Variants in KCNIP1 observed in about 807,000 individuals in gnomAD.
KCNIP1 encodes the protein A-type potassium channel modulatory protein KCNIP1.
Under a neutral mutation model 33.0 loss-of-function variants are expected in KCNIP1, and 18 were observed. That is an observed-to-expected ratio of 0.55 (90% CI 0.38 to 0.81). The LOEUF (loss-of-function observed/expected upper bound fraction) is 0.81. KCNIP1 is among the 30% of genes least tolerant of loss of function. The probability of loss-of-function intolerance (pLI) is 0.00; values close to 1 mark genes in which losing one functional copy is unlikely to be tolerated. For missense variants in KCNIP1, 238 were observed against 271.6 expected (o/e 0.88, Z 0.87); for synonymous variants, 93 against 98.3 (o/e 0.95, Z 0.32).
intron 1 of KCNIP1, chr5:170,378,407 T>G: frequency 3.0e-6 from 1 of 335,424 alleles, no homozygotes; most frequent in Non-Finnish European, 5.4e-6. Context: ...GTGGGGCACA[T>G]AGTGATGCAG....
chr5:170,371,754 A>T (rs970755481), intron 1 of KCNIP1, among the ~76,000 whole-genome samples: 1 of 152,232 alleles, frequency 6.6e-6, no homozygotes, highest in Admixed American at 6.5e-5. Flanking sequence ...ACAGCAAGTG[A>T]TCAGCTAAAT....
intron 1 of KCNIP1, among the ~76,000 whole-genome samples, chr5:170,603,056 G>A (rs1398335046): frequency 1.3e-5 from 2 of 152,248 alleles, no homozygotes; most frequent in Non-Finnish European, 2.9e-5. Context: ...AGCTAAGGCT[G>A]GTGCACACAG....
intron 5 of KCNIP1, 45 bp from the exon 6 acceptor site, chr5:170,732,755 G>C: frequency 1.5e-6 from 2 of 1,297,222 alleles, no homozygotes; most frequent in Middle Eastern, 1.8e-4. Context: ...GGAAGAGCTT[G>C]ACCTCATGGT....
intron 1 of KCNIP1, among the ~76,000 whole-genome samples, chr5:170,436,627 G>A (rs993515312): frequency 6.6e-6 from 1 of 152,208 alleles, no homozygotes; most frequent in Non-Finnish European, 1.5e-5. Flanking sequence ...CAGCGCAGGT[G>A]TGTGCATGCA....
At chr5:170,544,704 T>A (rs1250601460) in intron 1 of KCNIP1, among the ~76,000 whole-genome samples, 1 of 133,724 alleles carries the variant, frequency 7.5e-6, no homozygotes, top group Non-Finnish European at 1.5e-5. Context: ...TTGTTTCACA[T>A]TCCTGAATTT....
In KCNIP1 at chr5:170,463,470, C is replaced by T. The variant is rs893748159; in HGVS notation, c.88+109506C>T. Among the ~76,000 whole-genome samples, 3 of 152,102 alleles carry T rather than the reference C, an allele frequency of 2.0e-5. No individual in the cohort carries two copies. In the East Asian group the frequency reaches 5.8e-4, roughly 29 times the overall value. On this transcript the variant is annotated intron_variant, in intron 1 of 7. Transcript: ENST00000377360. ...TCCAGCAGTCTGTTAAAAAGACTAA[C>T]ACCATGACCAAATAGGATTTATCAA...
At chr5:170,353,878 T>A (rs188873046) in exon 1 of KCNIP1, 3 of 1,613,976 alleles carry the variant, frequency 1.9e-6, no homozygotes, top group Non-Finnish European at 2.5e-6. Context: ...TCCGCCACCA[T>A]GAGCGGCTGC....
chr5:170,714,372 T>C (rs988261494), intron 1 of KCNIP1, among the ~76,000 whole-genome samples: 3 of 152,254 alleles, frequency 2.0e-5, no homozygotes, highest in Non-Finnish European at 4.4e-5. Flanking sequence ...GGTCCAGATA[T>C]GTCACCCATT....
At chr5:170,621,684 T>C (rs1160129331) in intron 1 of KCNIP1, among the ~76,000 whole-genome samples, 1 of 152,172 alleles carries the variant, frequency 6.6e-6, no homozygotes, top group Non-Finnish European at 1.5e-5. Context: ...AATTTTTCAA[T>C]TTTTTGTAGA....
At chr5:170,665,905 C>CA (rs1761686171) in intron 1 of KCNIP1, among the ~76,000 whole-genome samples, 1 of 152,218 alleles carries the variant, frequency 6.6e-6, no homozygotes, top group Non-Finnish European at 1.5e-5. Flanking sequence ...GTACCATTCA[C>CA]ATCACATCAT....
intron 1 of KCNIP1, among the ~76,000 whole-genome samples, chr5:170,439,410 C>T (rs1755936832): frequency 6.6e-6 from 1 of 152,212 alleles, no homozygotes; most frequent in Non-Finnish European, 1.5e-5. Context: ...GCCTTCCAGG[C>T]AGGTCCCCTC....
At chr5:170,661,310 C>T (rs1184351706) in intron 1 of KCNIP1, among the ~76,000 whole-genome samples, 2 of 152,158 alleles carry the variant, frequency 1.3e-5, no homozygotes, top group African/African-American at 4.8e-5. Flanking sequence ...TGTGTTTCTG[C>T]GTGTACATTG....
chr5:170,430,479 A>T (rs1357090043), intron 1 of KCNIP1, among the ~76,000 whole-genome samples: 1 of 152,144 alleles, frequency 6.6e-6, no homozygotes, highest in East Asian at 1.9e-4. Flanking sequence ...AGCCCAGCTC[A>T]TGGGTCCTCT....
At chr5:170,625,981 C>A (rs1303596082) in intron 1 of KCNIP1, among the ~76,000 whole-genome samples, 1 of 152,068 alleles carries the variant, frequency 6.6e-6, no homozygotes, top group Non-Finnish European at 1.5e-5. Flanking sequence ...CTGGGCTTAG[C>A]AAAACTAAAG....
chr5:170,439,002 A>G (rs1009787145), intron 1 of KCNIP1, among the ~76,000 whole-genome samples: 1 of 152,114 alleles, frequency 6.6e-6, no homozygotes, highest in African/African-American at 2.4e-5. Context: ...TTTTGCTTCT[A>G]AGAATCTGTT....
At chr5:170,446,606 T>A (rs1311281616) in intron 1 of KCNIP1, among the ~76,000 whole-genome samples, 1 of 152,096 alleles carries the variant, frequency 6.6e-6, no homozygotes, top group Admixed American at 6.5e-5. Context: ...GGACTACAGG[T>A]GTACTAGTAT....
chr5:170,595,533 C>T (rs1758413714), intron 1 of KCNIP1, among the ~76,000 whole-genome samples: 1 of 152,206 alleles, frequency 6.6e-6, no homozygotes, highest in Admixed American at 6.5e-5. Context: ...GGATGATTCC[C>T]TGCCCATCTC....
At chr5:170,712,746 G>T in intron 1 of KCNIP1, 1 of 1,016,030 alleles carries the variant, frequency 9.8e-7, no homozygotes, top group Non-Finnish European at 1.6e-6. Context: ...CATATGTCAA[G>T]CTGGACGACG....
intron 1 of KCNIP1, among the ~76,000 whole-genome samples, chr5:170,687,188 T>A (rs1478270008): frequency 1.3e-5 from 2 of 151,954 alleles, no homozygotes; most frequent in East Asian, 3.9e-4. Context: ...TGAGTAAATT[T>A]TTTTTTTTTT....
Sources: allele counts gnomAD v4.1 joint callset (sites outside exome capture counted in the v4.1 genomes callset), GRCh38; gene constraint gnomAD v4.1.1; transcripts MANE v1.5; gene names NCBI Gene and HGNC (gene_info 2026-07-23, HGNC 2026-07-21).